The following PLEKHA5 variants were observed in gnomAD, a reference collection of about 807,000 sequenced individuals.
PLEKHA5 encodes pleckstrin homology domain containing A5, also known as pleckstrin homology domain-containing family A member 5.
PLEKHA5 carries 55 observed loss-of-function variants against 181.9 expected under a neutral mutation model. The observed-to-expected ratio is 0.30, with a 90% CI of 0.24 to 0.38. PLEKHA5 has a LOEUF of 0.38. Ranked by LOEUF, PLEKHA5 falls within the 10% of genes least tolerant of loss-of-function variation. The probability of loss-of-function intolerance (pLI) is 1.00; values close to 1 mark genes in which losing one functional copy is unlikely to be tolerated. For missense variants in PLEKHA5, 1,432 were observed against 1,549.5 expected, an observed-to-expected ratio of 0.92 and a Z score of 1.27; for synonymous variants, 535 against 529.4, an observed-to-expected ratio of 1.01 and a Z score of -0.15.
At chr12:19,296,208 A>G (rs1225184567) in intron 15 of PLEKHA5, among the ~76,000 whole-genome samples, 1 of 150,102 alleles carries the variant, frequency 6.7e-6, no homozygotes, top group East Asian at 2.0e-4. Flanking sequence ...CCACTGCACT[A>G]CAGCCCGGGC....
chr12:19,181,514 C>T (rs543378494), intron 3 of PLEKHA5, among the ~76,000 whole-genome samples: 1 of 152,248 alleles, frequency 6.6e-6, no homozygotes, highest in South Asian at 2.1e-4. Flanking sequence ...GTGGCTAACG[C>T]CTGTAATCTC....
At chr12:19,205,562 G>A (rs562522346) in intron 3 of PLEKHA5, 1 of 160,036 alleles carries the variant, frequency 6.2e-6, no homozygotes, top group Non-Finnish European at 1.3e-5. Flanking sequence ...TATGTAGCAA[G>A]CAACTTAGCC....
intron 11 of PLEKHA5, among the ~76,000 whole-genome samples, chr12:19,278,034 T>G (rs2075077244): frequency 6.6e-6 from 1 of 152,238 alleles, no homozygotes; most frequent in Non-Finnish European, 1.5e-5. Context: ...CACACTTTGC[T>G]TAATTTGAAT....
chr12:19,173,555 C>A (rs562543226), intron 3 of PLEKHA5, among the ~76,000 whole-genome samples: 1 of 152,074 alleles, frequency 6.6e-6, no homozygotes, highest in East Asian at 1.9e-4. Flanking sequence ...TACTTTTTTC[C>A]CCCAGGTAAC....
At chr12:19,351,839 C>T (rs1225199821) in intron 25 of PLEKHA5, among the ~76,000 whole-genome samples, 1 of 152,072 alleles carries the variant, frequency 6.6e-6, no homozygotes, top group East Asian at 1.9e-4. Flanking sequence ...TTTGGGAGGC[C>T]GAGACAGGCA....
At chr12:19,282,923 C>T (rs1047898078) in intron 11 of PLEKHA5, among the ~76,000 whole-genome samples, 7 of 151,868 alleles carry the variant, frequency 4.6e-5, no homozygotes, top group Admixed American at 6.6e-5. Flanking sequence ...AAGCTGGGCA[C>T]GGTGGCTCAT....
intron 5 of PLEKHA5, among the ~76,000 whole-genome samples, chr12:19,255,611 G>C (rs935839480): frequency 5.3e-5 from 8 of 151,604 alleles, no homozygotes; most frequent in African/African-American, 1.9e-4. Flanking sequence ...ATAAAATTTT[G>C]TTAGGAGATT....
At chr12:19,307,586 G>A in intron 15 of PLEKHA5, 1 of 326,612 alleles carries the variant, frequency 3.1e-6, no homozygotes, top group South Asian at 3.6e-5. Context: ...ATTCTAGGAG[G>A]AGGAGGACTC....
intron 3 of PLEKHA5, among the ~76,000 whole-genome samples, chr12:19,210,896 A>G (rs920717467): frequency 1.3e-5 from 2 of 152,104 alleles, no homozygotes; most frequent in Non-Finnish European, 2.9e-5. Context: ...CTTTCTAAAG[A>G]GTTGATAAGG....
intron 25 of PLEKHA5, among the ~76,000 whole-genome samples, chr12:19,352,271 C>T (rs1283001159): frequency 6.7e-6 from 1 of 149,530 alleles, no homozygotes; most frequent in Admixed American, 6.7e-5. Flanking sequence ...TGTAGTCCCA[C>T]CTACTCAGGA....
In PLEKHA5 at chr12:19,290,789, GC is replaced by G; in HGVS notation, c.1979del (p.Pro660GlnfsTer21). 6.5e-7 allele frequency: 1 copy of G among 1,533,294 alleles called. No homozygotes were observed. The highest frequency in any genetic ancestry group is 8.7e-7 in the Non-Finnish European group (1 of 1,144,592). 95.0% of individuals were successfully genotyped at this position (1,533,294 alleles called of 1,614,324 possible). ...QLMQLKLEAHSPKNEILSHHL... is the reference protein window; with the variant it reads ...QLMQLKLEAHXPKNEILSHHL... ...ATGCAGCTAAAGCTTGAGGCCCACA[GC>G]CCAAAGGTCAGCTATGGAGAGATTT... is the stretch of plus-strand genomic sequence containing the variant. On this transcript the variant is annotated frameshift_variant, in exon 14 of 32. Transcript: ENST00000429027. LOFTEE classifies it high-confidence loss of function.
At chr12:19,349,670 G>A (rs569126281) in intron 25 of PLEKHA5, among the ~76,000 whole-genome samples, 48 of 151,700 alleles carry the variant, frequency 3.2e-4, no homozygotes, top group Admixed American at 7.9e-4. Context: ...ACTTCAGGAG[G>A]CCGAGGTGGG....
chr12:19,357,958 CA>C (rs964683572), intron 26 of PLEKHA5, among the ~76,000 whole-genome samples: 4 of 151,144 alleles, frequency 2.6e-5, no homozygotes, highest in Non-Finnish European at 5.9e-5. Flanking sequence ...TTTTTTAAGC[CA>C]AAAAAATATT....
At chr12:19,292,355 G>A (rs548154666) in intron 15 of PLEKHA5, among the ~76,000 whole-genome samples, 4 of 151,884 alleles carry the variant, frequency 2.6e-5, no homozygotes, top group South Asian at 2.1e-4. Context: ...GCAGTGAGCC[G>A]AGATCATGCA....
intron 3 of PLEKHA5, among the ~76,000 whole-genome samples, chr12:19,229,714 G>C (rs1384042938): frequency 6.6e-6 from 1 of 152,194 alleles, no homozygotes; most frequent in Non-Finnish European, 1.5e-5. Flanking sequence ...GCCACTGCTG[G>C]CTTGGGCAGC....
chr12:19,290,670 C>G lies in PLEKHA5; in HGVS notation c.1864-7C>G, dbSNP rs1006185889. 6.5e-7 allele frequency: 1 copy of G among 1,533,108 alleles called. No homozygotes were observed. Among genetic ancestry groups the G allele is most frequent in the African/African-American group, 1.4e-5 (1 of 73,116 alleles). The allele number at this position is 1,533,108 out of a possible 1,614,324, so 95.0% of individuals were successfully genotyped here. ...ACTGTTTGGATTCTTAAATTGTACTCCTTCAGCCAGAGGAGCTTACGCTGC... is the reference window on the plus strand; with the variant it reads ...ACTGTTTGGATTCTTAAATTGTACTGCTTCAGCCAGAGGAGCTTACGCTGC... On this transcript the variant is annotated splice_region_variant and splice_polypyrimidine_tract_variant and intron_variant, in intron 13 of 31. Coordinates refer to ENST00000429027, the MANE Select transcript of PLEKHA5 (RefSeq NM_001256470.2).
At chr12:19,305,167 C>A (rs2082840600) in intron 15 of PLEKHA5, among the ~76,000 whole-genome samples, 1 of 152,170 alleles carries the variant, frequency 6.6e-6, no homozygotes, top group Non-Finnish European at 1.5e-5. Context: ...CCTTGTAACC[C>A]ATTTCCAGCC....
intron 22 of PLEKHA5, among the ~76,000 whole-genome samples, chr12:19,345,126 G>A (rs1034666158): frequency 3.3e-5 from 5 of 151,520 alleles, no homozygotes; most frequent in African/African-American, 9.7e-5. Flanking sequence ...TAAGCCGGGC[G>A]CAGTGGCTCA....
intron 16 of PLEKHA5, among the ~76,000 whole-genome samples, chr12:19,317,768 CAT>C (rs1270993396): frequency 1.3e-5 from 2 of 151,616 alleles, no homozygotes; most frequent in East Asian, 1.9e-4. Flanking sequence ...AAATATAACA[CAT>C]GTCCTTATGT....
Sources: allele counts gnomAD v4.1 joint callset (sites outside exome capture counted in the v4.1 genomes callset), GRCh38; gene constraint gnomAD v4.1.1; transcripts MANE v1.5; gene names NCBI Gene and HGNC (gene_info 2026-07-23, HGNC 2026-07-21).